LRBA: variants seen among roughly 807,000 people sequenced by gnomAD.
The protein encoded by LRBA is LPS responsive beige-like anchor protein.
A neutral mutation model predicts 330.0 loss-of-function variants in LRBA; 176 were observed. The observed-to-expected ratio is 0.53, with a 90% CI of 0.47 to 0.60. The LOEUF is 0.60. Among genes scored for constraint, LRBA ranks in the 20% least tolerant of loss-of-function variants. LRBA has a pLI of 0.00. For missense variants in LRBA, 3,259 were observed against 3,444.8 expected (o/e 0.95, Z 1.35); for synonymous variants, 1,230 against 1,193.0 (o/e 1.03, Z -0.64).
intron 34 of LRBA, among the ~76,000 whole-genome samples, chr4:150,794,509 A>T (rs972855411): frequency 2.6e-5 from 4 of 151,744 alleles, no homozygotes; most frequent in Non-Finnish European, 4.4e-5. Context: ...TCAAACATAA[A>T]ACTGACATAA....
At chr4:150,661,953 T>G (rs1273248768) in intron 37 of LRBA, among the ~76,000 whole-genome samples, 6 of 152,060 alleles carry the variant, frequency 3.9e-5, no homozygotes, top group Admixed American at 3.9e-4. Flanking sequence ...GAACTGTATC[T>G]CCACATGATT....
intron 37 of LRBA, among the ~76,000 whole-genome samples, chr4:150,669,619 G>A (rs572988483): frequency 1.3e-5 from 2 of 151,670 alleles, no homozygotes; most frequent in Admixed American, 6.6e-5. Flanking sequence ...AGGCTGGAGT[G>A]CAATGACACG....
chr4:150,885,090 A>G (rs1728801247), intron 17 of LRBA, among the ~76,000 whole-genome samples: 1 of 152,000 alleles, frequency 6.6e-6, no homozygotes, highest in Non-Finnish European at 1.5e-5. Context: ...AGATAAATCA[A>G]TATAAATTAT....
chr4:150,488,378 A>T (rs1469064477), intron 41 of LRBA, among the ~76,000 whole-genome samples: 1 of 151,636 alleles, frequency 6.6e-6, no homozygotes, highest in Non-Finnish European at 1.5e-5. Context: ...TATCTTTCAT[A>T]TGTTCAAATG....
At chr4:150,927,129 C>T (rs1733969525) in intron 4 of LRBA, among the ~76,000 whole-genome samples, 1 of 150,952 alleles carries the variant, frequency 6.6e-6, no homozygotes, top group South Asian at 2.1e-4. Context: ...AATCTCAGCA[C>T]TCTGGGAGGC....
intron 47 of LRBA, among the ~76,000 whole-genome samples, chr4:150,389,841 T>G (rs978128996): frequency 9.2e-5 from 13 of 140,598 alleles, no homozygotes; most frequent in Admixed American, 1.4e-4. Context: ...ATAATGTCAG[T>G]GTTGTCGGCA....
At chr4:150,807,685 T>TC (rs1743009432) in intron 32 of LRBA, among the ~76,000 whole-genome samples, 1 of 151,916 alleles carries the variant, frequency 6.6e-6, no homozygotes, top group Non-Finnish European at 1.5e-5. Flanking sequence ...TCACTCTGTC[T>TC]CCCAGGCTGG....
At chr4:150,574,290 T>C (rs903096542) in intron 40 of LRBA, among the ~76,000 whole-genome samples, 6 of 152,228 alleles carry the variant, frequency 3.9e-5, no homozygotes, top group East Asian at 1.9e-4. Context: ...ATAAGCTTAT[T>C]CTTGTCTGAG....
chr4:150,676,452 T>C (rs900052892), intron 37 of LRBA, among the ~76,000 whole-genome samples: 1 of 152,196 alleles, frequency 6.6e-6, no homozygotes, highest in Non-Finnish European at 1.5e-5. Flanking sequence ...TAGTAAGTGG[T>C]ATACAGCCAG....
chr4:150,634,234 T>C (rs1777665119), intron 37 of LRBA, among the ~76,000 whole-genome samples: 1 of 152,256 alleles, frequency 6.6e-6, no homozygotes, highest in Non-Finnish European at 1.5e-5. Flanking sequence ...ATTGAAGGCA[T>C]TCATCATTCA....
intron 16 of LRBA, among the ~76,000 whole-genome samples, chr4:150,894,292 T>C (rs952013294): frequency 6.6e-6 from 1 of 152,204 alleles, no homozygotes; most frequent in Non-Finnish European, 1.5e-5. Flanking sequence ...AAAAGAACAC[T>C]TTGTGGGAAA....
At chr4:150,699,063 T>C (rs1322420522) in intron 36 of LRBA, among the ~76,000 whole-genome samples, 1 of 152,190 alleles carries the variant, frequency 6.6e-6, no homozygotes, top group Non-Finnish European at 1.5e-5. Flanking sequence ...GGTGCCGTTG[T>C]CACTCAACCT....
rs1309792154 is a variant in LRBA, at chr4:150,916,642, C to T, written c.742G>A (p.Asp248Asn). The change falls in exon 6 of 57, where the codon GAT becomes AAT. Residue 248 changes from aspartate to asparagine, a missense_variant. Physicochemically the swap from Asp to Asn is conservative, Grantham distance 23. Coordinates refer to ENST00000651943, the MANE Select transcript of LRBA (RefSeq NM_001364905.1). The part of the protein sequence containing the change: ...RMDPVNNINV[D>N]KDKPYLYCFR... The stretch of plus-strand genomic sequence containing the variant: ...CAATACAAATATGGTTTATCCTTAT[C>T]TACATTGATGTTATTTACAGGATCC... 1 of 1,599,190 alleles carries T rather than the reference C, an allele frequency of 6.3e-7. No homozygotes were observed. Among genetic ancestry groups the T allele is most frequent in the Non-Finnish European group, 8.5e-7 (1 of 1,173,976 alleles).
At chr4:150,963,948 C>T (rs1261910724) in intron 2 of LRBA, among the ~76,000 whole-genome samples, 1 of 147,792 alleles carries the variant, frequency 6.8e-6, no homozygotes, top group Non-Finnish European at 1.5e-5. Flanking sequence ...CTCTGCCCTG[C>T]CGCGACCCCG....
At chr4:150,739,237 G>C (rs1268238155) in intron 35 of LRBA, among the ~76,000 whole-genome samples, 1 of 152,058 alleles carries the variant, frequency 6.6e-6, no homozygotes, top group Non-Finnish European at 1.5e-5. Flanking sequence ...CCTACTACCA[G>C]ATATAGAATA....
At chr4:150,360,552 C>G (rs1328700978) in intron 47 of LRBA, among the ~76,000 whole-genome samples, 4 of 152,176 alleles carry the variant, frequency 2.6e-5, no homozygotes, top group East Asian at 1.9e-4. Context: ...AGGCTTTATT[C>G]AGTTCCAAAT....
At chr4:150,569,319 G>C (rs1447628276) in intron 40 of LRBA, among the ~76,000 whole-genome samples, 1 of 152,152 alleles carries the variant, frequency 6.6e-6, no homozygotes, top group African/African-American at 2.4e-5. Context: ...AGGTCACAAT[G>C]TGTGTTTAAC....
At chr4:150,987,833 C>T (rs1741632199) in intron 2 of LRBA, among the ~76,000 whole-genome samples, 1 of 151,892 alleles carries the variant, frequency 6.6e-6, no homozygotes, top group African/African-American at 2.4e-5. Flanking sequence ...GAAACCCTGT[C>T]TCTACTAAAA....
chr4:150,590,817 C>G lies in LRBA; in HGVS notation c.6089G>C (p.Arg2030Thr). Residue 2030 changes from arginine to threonine, a missense_variant, in exon 39 of 57, where the codon AGG becomes ACG. Arg to Thr is a moderately conservative substitution (Grantham distance 71, BLOSUM62 -1). Transcript: ENST00000651943. ...DILAKGKQSI[R>T]SQALGNQNSE... ...GTTCTGATTTCCTAAAGCCTGACTC[C>G]TGATGGACTGTTTTCCTTTAGCAAG... The G allele has an allele frequency of 6.2e-7, 1 of 1,613,708 alleles. No individual in the cohort carries two copies. Among genetic ancestry groups the G allele is most frequent in the South Asian group, 1.1e-5 (1 of 91,058 alleles).
Sources: allele counts gnomAD v4.1 joint callset (sites outside exome capture counted in the v4.1 genomes callset), GRCh38; gene constraint gnomAD v4.1.1; transcripts MANE v1.5; gene names NCBI Gene and HGNC (gene_info 2026-07-23, HGNC 2026-07-21).